ZMAT4: variants seen among roughly 807,000 people sequenced by gnomAD.
The protein encoded by ZMAT4 is zinc finger matrin-type 4.
ZMAT4 carries 17 observed loss-of-function variants against 28.7 expected under a neutral mutation model. The ratio of observed to expected loss-of-function variants is 0.59; its 90% confidence interval spans 0.41 to 0.89. The LOEUF (loss-of-function observed/expected upper bound fraction) is 0.89. Among genes scored for constraint, ZMAT4 ranks in the 40% least tolerant of loss-of-function variants. The pLI is 0.00. For missense variants in ZMAT4, 240 were observed against 283.8 expected (o/e 0.85, Z 1.11); for synonymous variants, 117 against 109.2 (o/e 1.07, Z -0.44).
In ZMAT4 at chr8:40,695,786, T is replaced by C. The variant is rs1382090151; in HGVS notation, c.349+1459A>G. ...TGTGGCAATTTTTTTTTTTTTTTTT[T>C]TTTTTTTTTTTTTTTTTGCAGAAAG... On this transcript the variant is annotated intron_variant, in intron 4 of 6. Transcript: ENST00000297737. Among the ~76,000 whole-genome samples the C allele has an allele frequency of 2.1e-5, 3 of 143,880 alleles. No individual in the cohort carries two copies. In the Admixed American group the frequency reaches 2.1e-4, roughly 10 times the overall value. 94.4% of individuals were successfully genotyped at this position (143,880 alleles called of 152,430 possible). A position where few individuals can be genotyped will look rare whatever the true frequency, so the allele number is the denominator to read the frequency against.
At chr8:40,565,758 C>CTTT (rs113385364) in intron 6 of ZMAT4, among the ~76,000 whole-genome samples, 1 of 140,668 alleles carries the variant, frequency 7.1e-6, no homozygotes, top group Non-Finnish European at 1.5e-5. Flanking sequence ...TCCAGGCTAC[C>CTTT]TTTTTTTTTT....
intron 1 of ZMAT4, among the ~76,000 whole-genome samples, chr8:40,897,335 C>A (rs1490438289): frequency 2.0e-5 from 3 of 152,150 alleles, no homozygotes; most frequent in Non-Finnish European, 4.4e-5. Flanking sequence ...CCAGCCTATC[C>A]ATGATGGGTG....
intron 5 of ZMAT4, among the ~76,000 whole-genome samples, chr8:40,595,933 A>G (rs1375968602): frequency 6.6e-6 from 1 of 152,012 alleles, no homozygotes; most frequent in African/African-American, 2.4e-5. Context: ...AAAATACAAA[A>G]ATTAGCCAGG....
intron 3 of ZMAT4, among the ~76,000 whole-genome samples, chr8:40,710,232 G>T (rs1041094488): frequency 3.3e-5 from 5 of 152,052 alleles, no homozygotes; most frequent in Non-Finnish European, 5.9e-5. Flanking sequence ...GCAATAAAGA[G>T]ATTTAATTTC....
intron 3 of ZMAT4, among the ~76,000 whole-genome samples, chr8:40,756,491 A>G (rs1674403477): frequency 1.5e-5 from 2 of 133,110 alleles, no homozygotes; most frequent in African/African-American, 5.7e-5. Flanking sequence ...AGATACACAC[A>G]TTTATTCATC....
At chr8:40,721,946 T>G (rs7008418) in intron 3 of ZMAT4, among the ~76,000 whole-genome samples, 98,536 of 151,314 alleles carry the variant, frequency 0.65, 32,660 homozygotes, top group East Asian at 0.9. Flanking sequence ...TTTAATAAAT[T>G]GTGCTGGGAA....
intron 6 of ZMAT4, among the ~76,000 whole-genome samples, chr8:40,580,662 T>C (rs1804434383): frequency 6.6e-6 from 1 of 152,120 alleles, no homozygotes. Context: ...TTGAAAAAAA[T>C]GGAATAAGTT....
chr8:40,562,092 C>T (rs1211848493), intron 6 of ZMAT4, among the ~76,000 whole-genome samples: 1 of 152,212 alleles, frequency 6.6e-6, no homozygotes, highest in African/African-American at 2.4e-5. Flanking sequence ...CTGGCTTTAA[C>T]TTGTACCCAT....
intron 2 of ZMAT4, among the ~76,000 whole-genome samples, chr8:40,796,089 G>T (rs901463987): frequency 6.6e-6 from 1 of 152,114 alleles, no homozygotes; most frequent in African/African-American, 2.4e-5. Flanking sequence ...TCCCCCTCTG[G>T]CTGACTCTCA....
intron 5 of ZMAT4, among the ~76,000 whole-genome samples, chr8:40,621,963 T>G (rs889663922): frequency 3.9e-5 from 6 of 152,294 alleles, no homozygotes; most frequent in African/African-American, 1.4e-4. Flanking sequence ...AAAGGCACTA[T>G]CAATATTGAG....
At chr8:40,713,456 A>G (rs1026791218) in intron 3 of ZMAT4, among the ~76,000 whole-genome samples, 2 of 152,114 alleles carry the variant, frequency 1.3e-5, no homozygotes, top group Admixed American at 1.3e-4. Flanking sequence ...AAAAAAAAAC[A>G]ACATGAAGGT....
chr8:40,739,505 T>C (rs1339478673), intron 3 of ZMAT4, among the ~76,000 whole-genome samples: 69 of 152,336 alleles, frequency 4.5e-4, no homozygotes, highest in African/African-American at 1.6e-3. Flanking sequence ...TAATTTGGGA[T>C]TGTAAAAGGT....
At chr8:40,737,596 C>A (rs1811825437) in intron 3 of ZMAT4, among the ~76,000 whole-genome samples, 1 of 152,184 alleles carries the variant, frequency 6.6e-6, no homozygotes, top group African/African-American at 2.4e-5. Context: ...ATTAGCAAGT[C>A]ATCAGTAACC....
intron 1 of ZMAT4, among the ~76,000 whole-genome samples, chr8:40,851,118 G>A (rs948804266): frequency 2.0e-5 from 3 of 152,126 alleles, no homozygotes; most frequent in Admixed American, 6.5e-5. Flanking sequence ...CGTGAGGTCA[G>A]GATTTCGAGA....
intron 5 of ZMAT4, among the ~76,000 whole-genome samples, chr8:40,674,131 GTT>G (rs1808806376): frequency 9.1e-6 from 1 of 110,262 alleles, no homozygotes; most frequent in Non-Finnish European, 1.7e-5. Flanking sequence ...GTCTCACTCT[GTT>G]GCCCAGGCTG....
At chr8:40,707,263 T>C (rs893371717) in intron 3 of ZMAT4, among the ~76,000 whole-genome samples, 1 of 125,396 alleles carries the variant, frequency 8.0e-6, no homozygotes, top group East Asian at 2.6e-4. Flanking sequence ...ATATATCTTA[T>C]TGTCTCTCAT....
chr8:40,660,417 C>G (rs997875204), intron 5 of ZMAT4, among the ~76,000 whole-genome samples: 1 of 152,312 alleles, frequency 6.6e-6, no homozygotes, highest in Middle Eastern at 3.4e-3. Context: ...CTTGCATTAC[C>G]TGCTAGCTTA....
At chr8:40,832,047 C>T (rs1816300578) in intron 1 of ZMAT4, among the ~76,000 whole-genome samples, 1 of 152,184 alleles carries the variant, frequency 6.6e-6, no homozygotes, top group African/African-American at 2.4e-5. Flanking sequence ...AAGGGGCGCT[C>T]AGTTTTCCAA....
chr8:40,747,486 C>A (rs1812287857), intron 3 of ZMAT4, among the ~76,000 whole-genome samples: 1 of 151,552 alleles, frequency 6.6e-6, no homozygotes, highest in African/African-American at 2.4e-5. Flanking sequence ...CCCTCGATAG[C>A]ACTCTATTTC....
Sources: gnomAD v4.1 joint callset for allele counts (sites outside exome capture counted in the v4.1 genomes callset) on GRCh38, gnomAD v4.1.1 for gene constraint, MANE v1.5 for transcripts, NCBI Gene and HGNC (gene_info 2026-07-23, HGNC 2026-07-21) for gene names.